The following ANK3 variants were observed in gnomAD, a reference collection of about 807,000 sequenced individuals.
The protein encoded by ANK3 is ankyrin 3, also known as ankyrin-3.
A neutral mutation model predicts 370.9 loss-of-function variants in ANK3; 57 were observed. That is an observed-to-expected ratio of 0.15 (90% CI 0.12 to 0.19). ANK3 has a LOEUF of 0.19. ANK3 is among the 10% of genes least tolerant of loss of function. The probability of loss-of-function intolerance (pLI) is 1.00; values close to 1 mark genes in which losing one functional copy is unlikely to be tolerated. For missense variants in ANK3, 4,439 were observed against 5,302.1 expected (o/e 0.84, Z 5.06); for synonymous variants, 1,929 against 1,946.3 (o/e 0.99, Z 0.23).
chr10:60,279,131 G>T lies in ANK3; in HGVS notation c.234C>A (p.Leu78=). ...CATGGCCTTCTTTGGAAGCAAGGTG[G>T]AGAGCGTTCAACCCATTCTGATTAA... is the stretch of plus-strand genomic sequence containing the variant. ...NICNQNGLNA[L]HLASKEGHVE... The change falls in exon 3 of 44, where the codon CTC becomes CTA. Residue 78 remains leucine, a synonymous_variant. Coordinates refer to ENST00000280772, the MANE Select transcript of ANK3 (RefSeq NM_020987.5). The T allele has an allele frequency of 1.2e-6, 2 of 1,613,756 alleles. No individual in the cohort carries two copies. Among genetic ancestry groups the T allele is most frequent in the South Asian group, 1.1e-5 (1 of 91,076 alleles).
At position 60,113,564 on chromosome 10, in the gene ANK3, T is replaced by C. The variant is rs1400703174; in HGVS notation, c.2948+661A>G. 4.6e-5 allele frequency among the ~76,000 whole-genome samples: 7 copies of C among 152,016 alleles called. No homozygotes were observed. The East Asian group carries it at 1.4e-3, about 29-fold the overall frequency. On this transcript the variant is annotated intron_variant, in intron 26 of 43. Coordinates refer to ENST00000280772, the MANE Select transcript of ANK3 (RefSeq NM_020987.5). The stretch of plus-strand genomic sequence containing the variant: ...TCTCTATGAAAAAATACAAAAATTA[T>C]CCGAGCATGGTGGTGCACACCTGTG...
At chr10:60,132,221 C>T (rs190391193) in intron 25 of ANK3, among the ~76,000 whole-genome samples, 1 of 152,220 alleles carries the variant, frequency 6.6e-6, no homozygotes, top group Non-Finnish European at 1.5e-5. Context: ...AGTGCTAATA[C>T]CCATTTAAAA....
intron 8 of ANK3, among the ~76,000 whole-genome samples, chr10:60,223,597 G>A (rs1478999029): frequency 2.0e-5 from 3 of 152,034 alleles, no homozygotes; most frequent in Non-Finnish European, 1.5e-5. Flanking sequence ...GAATGAATGT[G>A]TTTTCAGGCT....
chr10:60,727,742 T>C (rs1162332603), intron 1 of ANK3, among the ~76,000 whole-genome samples: 1 of 152,154 alleles, frequency 6.6e-6, no homozygotes, highest in Non-Finnish European at 1.5e-5. Flanking sequence ...TCTAGGTATT[T>C]AAGGATCTAC....
chr10:60,315,071 AGCCC>A (rs1310127910), intron 1 of ANK3, among the ~76,000 whole-genome samples: 1 of 152,186 alleles, frequency 6.6e-6, no homozygotes, highest in Non-Finnish European at 1.5e-5. Flanking sequence ...CAGTTTACGC[AGCCC>A]ATTATCCACC....
chr10:60,478,378 A>G (rs555157389), intron 2 of ANK3, among the ~76,000 whole-genome samples: 1 of 152,268 alleles, frequency 6.6e-6, no homozygotes, highest in East Asian at 1.9e-4. Flanking sequence ...TATATGATAG[A>G]TGATTTTAAT....
At chr10:60,367,115 A>C (rs1301716545) in intron 1 of ANK3, among the ~76,000 whole-genome samples, 1 of 152,198 alleles carries the variant, frequency 6.6e-6, no homozygotes, top group Non-Finnish European at 1.5e-5. Context: ...ACAAACATGA[A>C]GTCTTCAGGG....
intron 1 of ANK3, among the ~76,000 whole-genome samples, chr10:60,694,853 A>G (rs747859582): frequency 0.022 from 3,300 of 148,448 alleles, 45 homozygotes; most frequent in Non-Finnish European, 0.033. Flanking sequence ...CGAGCAAAAT[A>G]ACCAGCTAAC....
In ANK3 at chr10:60,055,719, G is replaced by A. The variant is rs984601541; in HGVS notation, c.13004C>T (p.Ala4335Val). ...GAGGCTAAGCCTTGGCTTGCCATCTGCTGGAGAAGTCCTACTCATCTTTTT... is the reference window on the plus strand; with the variant it reads ...GAGGCTAAGCCTTGGCTTGCCATCTACTGGAGAAGTCCTACTCATCTTTTT... ...SMKKMSRTSP[A>V]DGKPRLSLHE... The change falls in exon 42 of 44, where the codon GCA becomes GTA. Residue 4335 changes from alanine to valine, a missense_variant. Transcript: ENST00000280772. 2 of 1,614,106 alleles carry A rather than the reference G, an allele frequency of 1.2e-6. No individual in the cohort carries two copies. The highest frequency in any genetic ancestry group is 2.2e-5 in the East Asian group (1 of 44,862).
At chr10:60,189,756 C>A (rs1219236991) in intron 16 of ANK3, among the ~76,000 whole-genome samples, 5 of 152,110 alleles carry the variant, frequency 3.3e-5, no homozygotes, top group Non-Finnish European at 5.9e-5. Context: ...GGGTTTTTTC[C>A]CTCTTGATGT....
chr10:60,538,427 A>G (rs946055543), intron 2 of ANK3, among the ~76,000 whole-genome samples: 2 of 151,860 alleles, frequency 1.3e-5, no homozygotes, highest in Non-Finnish European at 2.9e-5. Flanking sequence ...AAAGCAAATC[A>G]ACTCTTATTA....
rs540831461 is a variant in ANK3, at chr10:60,505,123, T to C, written c.96+110063A>G. ...TACCCCCAATGACAAAATAGCAATA[T>C]GGCAAAGTGTTGAAGCTTGCAAGAT... On this transcript the variant is annotated intron_variant, in intron 2 of 43. Coordinates refer to the ANK3 transcript ENST00000373827. Among the ~76,000 whole-genome samples the C allele has an allele frequency of 3.7e-3, 560 of 152,266 alleles. 2 individuals carry two copies. Among genetic ancestry groups the C allele is most frequent in the Middle Eastern group, 0.01 (3 of 294 alleles).
intron 1 of ANK3, among the ~76,000 whole-genome samples, chr10:60,280,609 GAC>G (rs1262393238): frequency 6.6e-6 from 1 of 152,192 alleles, no homozygotes; most frequent in Non-Finnish European, 1.5e-5. Flanking sequence ...TGAGAGGAAA[GAC>G]ACTGCAAAGC....
chr10:60,436,796 T>G (rs1013918259), intron 2 of ANK3, among the ~76,000 whole-genome samples: 1 of 152,254 alleles, frequency 6.6e-6, no homozygotes, highest in Non-Finnish European at 1.5e-5. Context: ...GCACAAAAGC[T>G]TTTTTATTTT....
chr10:60,325,373 G>A (rs966531181), intron 1 of ANK3, among the ~76,000 whole-genome samples: 1 of 152,192 alleles, frequency 6.6e-6, no homozygotes, highest in East Asian at 1.9e-4. Flanking sequence ...CCAATGGGTG[G>A]TAGGTGGAAA....
At chr10:60,176,316 G>T (rs2095949569) in intron 18 of ANK3, among the ~76,000 whole-genome samples, 1 of 138,414 alleles carries the variant, frequency 7.2e-6, no homozygotes. Context: ...AGTGAGCCAT[G>T]ATCATGCCCA....
chr10:60,308,336 G>C (rs142991039), intron 1 of ANK3, among the ~76,000 whole-genome samples: 3,234 of 114,250 alleles, frequency 0.028, 111 homozygotes, highest in African/African-American at 0.096. Context: ...GTCTCGTTCT[G>C]TTGCCCAGGC....
rs1408147893 is a variant in ANK3, at chr10:60,052,844, A to AT, written c.13065+2813_13065+2814insA. Among the ~76,000 whole-genome samples, 4 of 152,114 alleles carry AT rather than the reference A, an allele frequency of 2.6e-5. 1 individual carries two copies. The highest frequency in any genetic ancestry group is 6.5e-5 in the Admixed American group (1 of 15,282). On this transcript the variant is annotated intron_variant, in intron 42 of 43. Coordinates refer to ENST00000280772, the MANE Select transcript of ANK3 (RefSeq NM_020987.5). ...GAATTCCAGTATTTGTTTAAAAAAA[A>AT]AAATAAAACTGCTATAGGAGGTACA...
In ANK3 at chr10:60,139,135, G is replaced by C. The variant is rs1362218442; in HGVS notation, c.2615-48C>G. 7 of 1,593,038 alleles carry C rather than the reference G, an allele frequency of 4.4e-6. No homozygotes were observed. The African/African-American group carries it at 6.8e-5, about 15-fold the overall frequency. On this transcript the variant is annotated intron_variant, in intron 23 of 43. Coordinates refer to ENST00000280772, the MANE Select transcript of ANK3 (RefSeq NM_020987.5). ...CACATCAAAAGCTTCCCTTTTGAAA[G>C]TGTCAGCTGTGGAGAAAATCACTCC...
Sources: allele counts gnomAD v4.1 joint callset (sites outside exome capture counted in the v4.1 genomes callset), GRCh38; gene constraint gnomAD v4.1.1; transcripts MANE v1.5; gene names NCBI Gene and HGNC (gene_info 2026-07-23, HGNC 2026-07-21).